The following WBP2NL variants were observed in gnomAD, a reference collection of about 807,000 sequenced individuals.
The protein encoded by WBP2NL is postacrosomal sheath WW domain-binding protein.
In WBP2NL, 27 loss-of-function variants were observed where a neutral mutation model predicts 23.3. That is an observed-to-expected ratio of 1.16 (90% CI 0.85 to 1.60). The LOEUF (loss-of-function observed/expected upper bound fraction) is 1.60, where lower values mean the gene tolerates loss of function less well. Ranked by LOEUF, WBP2NL falls within the 40% of genes most tolerant of loss-of-function variation. The pLI, the probability that WBP2NL is intolerant of heterozygous loss-of-function variation, is 0.00. For synonymous variants in WBP2NL, 151 were observed against 145.9 expected (o/e 1.03, Z -0.25); for missense variants, 370 against 389.5 (o/e 0.95, Z 0.42).
chr22:42,009,353 G>T (rs185207979), intron 1 of WBP2NL, among the ~76,000 whole-genome samples: 272 of 152,156 alleles, frequency 1.8e-3, no homozygotes, highest in African/African-American at 6.4e-3. Context: ...TTTGTTGCCG[G>T]TGCTTTTGTT....
intron 1 of WBP2NL, among the ~76,000 whole-genome samples, chr22:42,005,298 G>T (rs1922119003): frequency 6.6e-6 from 1 of 151,938 alleles, no homozygotes; most frequent in Non-Finnish European, 1.5e-5. Context: ...TGGATCACCT[G>T]AGGTCAGGAG....
downstream of WBP2NL, among the ~76,000 whole-genome samples, chr22:42,035,800 A>C (rs1488012588): frequency 6.6e-6 from 1 of 152,088 alleles, no homozygotes; most frequent in Non-Finnish European, 1.5e-5. Flanking sequence ...ATACCCTTTG[A>C]CCAACATCCT....
chr22:42,047,240 A>G (rs992837898), intron 8 of WBP2NL, among the ~76,000 whole-genome samples: 2 of 150,338 alleles, frequency 1.3e-5, no homozygotes, highest in South Asian at 4.2e-4. Context: ...GGTGGGTAAT[A>G]ACTGAAAATA....
At chr22:42,037,515 TG>T (rs1241551356), downstream of WBP2NL, among the ~76,000 whole-genome samples, 1 of 152,194 alleles carries the variant, frequency 6.6e-6, no homozygotes, top group Non-Finnish European at 1.5e-5. Context: ...GGGATTGCAT[TG>T]AATCTGTAGA....
chr22:42,036,651 GT>G, downstream of WBP2NL, among the ~76,000 whole-genome samples: 1 of 152,138 alleles, frequency 6.6e-6, no homozygotes, highest in Non-Finnish European at 1.5e-5. Flanking sequence ...TCTCATTATG[GT>G]TTTGATCTGC....
At chr22:42,000,102 A>G (rs1921469709) in intron 1 of WBP2NL, among the ~76,000 whole-genome samples, 1 of 152,180 alleles carries the variant, frequency 6.6e-6, no homozygotes, top group East Asian at 1.9e-4. Context: ...CCCAACCAGC[A>G]TTGAAACTCA....
Position 42,027,277 on chromosome 22 carries a change from G to A in WBP2NL, c.*96G>A. On this transcript the variant is annotated 3_prime_UTR_variant, in exon 6 of 6. Transcript: ENST00000328823. ...GGACGACTCAGGTATGTGATCACAGGCTTCTCGCAGGTAGTTGTTCCACCC... is the reference window on the plus strand; with the variant it reads ...GGACGACTCAGGTATGTGATCACAGACTTCTCGCAGGTAGTTGTTCCACCC... 6.9e-7 allele frequency: 1 copy of A among 1,446,058 alleles called. No individual in the cohort carries two copies. The highest frequency in any genetic ancestry group is 9.2e-7 in the Non-Finnish European group (1 of 1,089,490). The allele number at this position is 1,446,058 out of a possible 1,614,324, so 89.6% of individuals were successfully genotyped here. A position where few individuals can be genotyped will look rare whatever the true frequency, so the allele number is the denominator to read the frequency against.
chr22:42,036,463 C>T (rs1351962569), downstream of WBP2NL, among the ~76,000 whole-genome samples: 15 of 152,186 alleles, frequency 9.9e-5, no homozygotes, highest in South Asian at 2.1e-4. Flanking sequence ...CGTGAGCCAC[C>T]GTGCCCGGCC....
At chr22:42,047,098 T>C (rs1476064629) in intron 8 of WBP2NL, among the ~76,000 whole-genome samples, 3 of 152,132 alleles carry the variant, frequency 2.0e-5, no homozygotes, top group Admixed American at 2.0e-4. Context: ...CAATATCTGG[T>C]ATGTTGCAAG....
At chr22:42,003,801 A>G (rs928867339) in intron 1 of WBP2NL, among the ~76,000 whole-genome samples, 4 of 152,232 alleles carry the variant, frequency 2.6e-5, no homozygotes, top group African/African-American at 7.2e-5. Context: ...AAGATAAGAT[A>G]TCAATTTGAA....
At chr22:42,025,802 T>A (rs1972949248) in intron 5 of WBP2NL, among the ~76,000 whole-genome samples, 1 of 152,202 alleles carries the variant, frequency 6.6e-6, no homozygotes, top group African/African-American at 2.4e-5. Flanking sequence ...TTGGGGAATG[T>A]AACCCAAGGT....
At position 42,023,495 on chromosome 22, in the gene WBP2NL, TTTTTTG is replaced by T. The variant is rs576602518; in HGVS notation, c.514+1157_514+1162del. ...TAGGCATGAGCCATCTCTGGCAGCC[TTTTTTG>T]TTTTTGTTTTTGTTTTTTTGAGAGG... is the stretch of plus-strand genomic sequence containing the variant. On this transcript the variant is annotated intron_variant, in intron 5 of 5. Transcript: ENST00000328823. Among the ~76,000 whole-genome samples the T allele has an allele frequency of 6.6e-3, 984 of 149,908 alleles. 5 individuals carry two copies. Among genetic ancestry groups the T allele is most frequent in the African/African-American group, 0.023 (951 of 40,662 alleles).
downstream of WBP2NL, among the ~76,000 whole-genome samples, chr22:42,036,206 G>A (rs1925175333): frequency 6.6e-6 from 1 of 151,370 alleles, no homozygotes. Context: ...ACCAAGTCTC[G>A]CTCTGTCGCC....
At chr22:42,053,783 T>G (rs193070243) in intron 8 of WBP2NL, among the ~76,000 whole-genome samples, 10 of 152,284 alleles carry the variant, frequency 6.6e-5, no homozygotes, top group Admixed American at 2.0e-4. Flanking sequence ...TTCATGAGCT[T>G]ATTAGCCATT....
intron 1 of WBP2NL, among the ~76,000 whole-genome samples, chr22:41,999,301 G>A (rs1921311653): frequency 1.3e-5 from 2 of 152,200 alleles, no homozygotes; most frequent in Non-Finnish European, 1.5e-5. Flanking sequence ...CAGGTACTGG[G>A]TGTGTATCTC....
intron 1 of WBP2NL, among the ~76,000 whole-genome samples, chr22:42,017,579 A>T (rs529738224): frequency 6.6e-6 from 1 of 152,328 alleles, no homozygotes; most frequent in African/African-American, 2.4e-5. Context: ...TGTTTGCATT[A>T]TGATCTGTAT....
At position 42,041,217 on chromosome 22, in the gene WBP2NL, G is replaced by A. The variant is rs1241075945; in HGVS notation, c.*273+10394G>A. The stretch of plus-strand genomic sequence containing the variant: ...GTTTTGGCTGGGCACAGTGGCACAC[G>A]CCTGTAATCCCAGCACTTTGGGAGG... On this transcript the variant is annotated intron_variant and NMD_transcript_variant, in intron 8 of 8. Transcript: ENST00000436265. Among the ~76,000 whole-genome samples the A allele has an allele frequency of 2.6e-5, 4 of 152,038 alleles. No homozygotes were observed. In the East Asian group the frequency reaches 7.7e-4, roughly 29 times the overall value.
intron 8 of WBP2NL, among the ~76,000 whole-genome samples, chr22:42,055,216 G>A (rs983836752): frequency 2.0e-5 from 3 of 151,572 alleles, no homozygotes; most frequent in Admixed American, 1.3e-4. Flanking sequence ...TCGCTCTGTC[G>A]CCCAGGCTGG....
chr22:42,015,255 G>A (rs1923195028), intron 1 of WBP2NL, among the ~76,000 whole-genome samples: 1 of 152,100 alleles, frequency 6.6e-6, no homozygotes, highest in Non-Finnish European at 1.5e-5. Context: ...CTAGTGATTT[G>A]ACAGAAATTT....
Sources: gnomAD v4.1 joint callset for allele counts (sites outside exome capture counted in the v4.1 genomes callset) on GRCh38, gnomAD v4.1.1 for gene constraint, MANE v1.5 for transcripts, NCBI Gene and HGNC (gene_info 2026-07-23, HGNC 2026-07-21) for gene names.